Variants in SLC16A10 observed in about 807,000 individuals in gnomAD.
SLC16A10 encodes monocarboxylate transporter 10.
SLC16A10 carries 27 observed loss-of-function variants against 40.0 expected under a neutral mutation model. The ratio of observed to expected loss-of-function variants is 0.67; its 90% confidence interval spans 0.50 to 0.93. The LOEUF (loss-of-function observed/expected upper bound fraction) is 0.93. Among genes scored for constraint, SLC16A10 ranks in the 40% least tolerant of loss-of-function variants. The pLI is 0.00. For synonymous variants in SLC16A10, 213 were observed against 249.8 expected (o/e 0.85, Z 1.39); for missense variants, 529 against 658.2 (o/e 0.80, Z 2.15).
At chr6:111,142,713 AC>A (rs1388239155) in intron 1 of SLC16A10, among the ~76,000 whole-genome samples, 2 of 152,206 alleles carry the variant, frequency 1.3e-5, no homozygotes, top group Non-Finnish European at 2.9e-5. Context: ...CAAAACACTG[AC>A]AACACCAAGT....
chr6:111,194,395 T>C (rs1773045459), intron 3 of SLC16A10, among the ~76,000 whole-genome samples: 1 of 152,200 alleles, frequency 6.6e-6, no homozygotes, highest in Admixed American at 6.5e-5. Flanking sequence ...TATAATTATC[T>C]AGAGTAGTTT....
chr6:111,110,016 T>C (rs192271958), intron 1 of SLC16A10, among the ~76,000 whole-genome samples: 120 of 151,970 alleles, frequency 7.9e-4, no homozygotes, highest in Non-Finnish European at 1.3e-3. Flanking sequence ...AAAGTAGGAG[T>C]GAGAGGACTC....
chr6:111,174,313 T>C (rs1772639482), intron 2 of SLC16A10, among the ~76,000 whole-genome samples: 1 of 152,110 alleles, frequency 6.6e-6, no homozygotes, highest in Non-Finnish European at 1.5e-5. Context: ...CATTTGACTT[T>C]TTATTTTTAA....
chr6:111,207,148 T>C (rs1180555793), intron 4 of SLC16A10, among the ~76,000 whole-genome samples: 1 of 152,242 alleles, frequency 6.6e-6, no homozygotes, highest in Non-Finnish European at 1.5e-5. Flanking sequence ...ATAACTTCTA[T>C]AGGCAGTTTT....
At chr6:111,118,026 T>C (rs373784939) in intron 1 of SLC16A10, among the ~76,000 whole-genome samples, 50 of 152,306 alleles carry the variant, frequency 3.3e-4, no homozygotes, top group East Asian at 9.7e-4. Context: ...AGTTATAGAA[T>C]TTTTAAAAAC....
At chr6:111,101,691 C>T (rs1431221758) in intron 1 of SLC16A10, among the ~76,000 whole-genome samples, 2 of 152,140 alleles carry the variant, frequency 1.3e-5, no homozygotes, top group African/African-American at 2.4e-5. Context: ...GGCACGATCA[C>T]GGCTCACTGC....
At chr6:111,210,633 G>T (rs1033657848) in intron 4 of SLC16A10, among the ~76,000 whole-genome samples, 17 of 152,200 alleles carry the variant, frequency 1.1e-4, no homozygotes, top group Non-Finnish European at 1.2e-4. Context: ...CCGAATGTGT[G>T]TGGAAACCCA....
chr6:111,112,323 C>T (rs965784592), intron 1 of SLC16A10, among the ~76,000 whole-genome samples: 1 of 152,200 alleles, frequency 6.6e-6, no homozygotes, highest in African/African-American at 2.4e-5. Context: ...GAATGAGCCA[C>T]CGTGCCTGGC....
intron 1 of SLC16A10, among the ~76,000 whole-genome samples, chr6:111,156,500 C>T (rs184559958): frequency 3.3e-5 from 5 of 152,316 alleles, no homozygotes; most frequent in Admixed American, 3.3e-4. Flanking sequence ...TTCCAAAAAA[C>T]CTCATAGCCC....
At chr6:111,152,848 A>G (rs989491518) in intron 1 of SLC16A10, among the ~76,000 whole-genome samples, 6 of 152,228 alleles carry the variant, frequency 3.9e-5, no homozygotes, top group Non-Finnish European at 7.3e-5. Context: ...CAATCATTTG[A>G]TACTTTTTGT....
At chr6:111,127,935 G>C (rs1771705173) in intron 1 of SLC16A10, among the ~76,000 whole-genome samples, 1 of 152,196 alleles carries the variant, frequency 6.6e-6, no homozygotes, top group Non-Finnish European at 1.5e-5. Context: ...GTGGCTTCTT[G>C]AGATTACATG....
At chr6:111,198,298 G>T (rs1773112753) in intron 3 of SLC16A10, among the ~76,000 whole-genome samples, 1 of 152,126 alleles carries the variant, frequency 6.6e-6, no homozygotes, top group Non-Finnish European at 1.5e-5. Context: ...AAAAAGAGAA[G>T]CCTATATTAA....
At chr6:111,186,123 C>G (rs1772892898) in intron 3 of SLC16A10, among the ~76,000 whole-genome samples, 1 of 152,164 alleles carries the variant, frequency 6.6e-6, no homozygotes. Flanking sequence ...TGGTCTCAAA[C>G]TTCTGTGCTC....
intron 1 of SLC16A10, among the ~76,000 whole-genome samples, chr6:111,137,271 A>G (rs1771896218): frequency 6.6e-6 from 1 of 152,216 alleles, no homozygotes; most frequent in Admixed American, 6.5e-5. Context: ...AAGGAAAAAT[A>G]CTTTTGCCTG....
At chr6:111,185,002 A>C (rs1230862316) in intron 3 of SLC16A10, among the ~76,000 whole-genome samples, 1 of 151,510 alleles carries the variant, frequency 6.6e-6, no homozygotes, top group African/African-American at 2.4e-5. Flanking sequence ...AAGGGCGCTG[A>C]GCCACGCAAA....
chr6:111,126,493 G>A (rs187418677), intron 1 of SLC16A10, among the ~76,000 whole-genome samples: 4 of 152,056 alleles, frequency 2.6e-5, no homozygotes, highest in African/African-American at 7.2e-5. Flanking sequence ...TCATATTCAT[G>A]CTACTACTGA....
intron 1 of SLC16A10, among the ~76,000 whole-genome samples, chr6:111,090,897 A>C (rs1211617131): frequency 6.6e-6 from 1 of 152,194 alleles, no homozygotes; most frequent in Non-Finnish European, 1.5e-5. Context: ...GAGTACAGCT[A>C]GTTCTGTCTC....
chr6:111,214,886 G>A (rs565370998), intron 4 of SLC16A10, among the ~76,000 whole-genome samples: 3 of 152,142 alleles, frequency 2.0e-5, no homozygotes, highest in East Asian at 1.9e-4. Context: ...TTGGGAGGCC[G>A]AGGCAGGCAG....
chr6:111,092,604 G>A (rs189743014), intron 1 of SLC16A10, among the ~76,000 whole-genome samples: 30 of 151,186 alleles, frequency 2.0e-4, no homozygotes, highest in African/African-American at 6.8e-4. Context: ...ATAAGCCACC[G>A]CGCCTGGCCA....
Sources: gnomAD v4.1 joint callset for allele counts (sites outside exome capture counted in the v4.1 genomes callset) on GRCh38, gnomAD v4.1.1 for gene constraint, MANE v1.5 for transcripts, NCBI Gene and HGNC (gene_info 2026-07-23, HGNC 2026-07-21) for gene names.